The following MDGA2 variants were observed in gnomAD, a reference collection of about 807,000 sequenced individuals.
MDGA2 encodes the protein MAM domain containing glycosylphosphatidylinositol anchor 2.
MDGA2 carries 40 observed loss-of-function variants against 117.8 expected under a neutral mutation model. The ratio of observed to expected loss-of-function variants is 0.34; its 90% CI spans 0.26 to 0.44. The LOEUF (loss-of-function observed/expected upper bound fraction) is 0.44. Ranked by LOEUF, MDGA2 falls within the 20% of genes least tolerant of loss-of-function variation. The pLI, the probability that MDGA2 is intolerant of heterozygous loss-of-function variation, is 1.00. For missense variants in MDGA2, 1,123 were observed against 1,250.6 expected (o/e 0.90, Z 1.54); for synonymous variants, 452 against 439.0 (o/e 1.03, Z -0.37).
intron 7 of MDGA2, among the ~76,000 whole-genome samples, chr14:47,047,616 T>C (rs950880019): frequency 2.0e-5 from 3 of 152,090 alleles, no homozygotes; most frequent in Non-Finnish European, 4.4e-5. Flanking sequence ...AGCCAAGGTA[T>C]GGCATATAGT....
At chr14:47,422,262 A>C (rs998493623) in intron 1 of MDGA2, among the ~76,000 whole-genome samples, 1 of 152,168 alleles carries the variant, frequency 6.6e-6, no homozygotes, top group Non-Finnish European at 1.5e-5. Flanking sequence ...GCTAATGTTG[A>C]CTTCCCAATT....
Position 47,674,423 on chromosome 14 carries a change from G to A in MDGA2, c.280+94C>T, listed in dbSNP as rs2138325957. 10 of 1,082,156 alleles carry A rather than the reference G, an allele frequency of 9.2e-6. No homozygotes were observed. The South Asian group carries it at 1.2e-4, about 13-fold the overall frequency. 67.0% of individuals were successfully genotyped at this position (1,082,156 alleles called of 1,614,324 possible). A position where few individuals can be genotyped will look rare whatever the true frequency, so the allele number is the denominator to read the frequency against. ...GTGTAAATCAAATGCCACGCCGGGA[G>A]GGGCCCCGGAACGGCGCGAGTCGTG... On this transcript the variant is annotated intron_variant, in intron 1 of 16. Transcript: ENST00000399232.
At chr14:47,557,736 G>C (rs941847725) in intron 1 of MDGA2, among the ~76,000 whole-genome samples, 2 of 152,128 alleles carry the variant, frequency 1.3e-5, no homozygotes. Context: ...GATATAATGT[G>C]AATAAAAGAT....
chr14:46,968,688 T>C (rs566932980), intron 8 of MDGA2, among the ~76,000 whole-genome samples: 1 of 141,402 alleles, frequency 7.1e-6, no homozygotes, highest in East Asian at 2.1e-4. Context: ...AAAAAAAAAA[T>C]TAGTTGGGTA....
intron 1 of MDGA2, among the ~76,000 whole-genome samples, chr14:47,615,775 C>T (rs1308437518): frequency 6.6e-6 from 1 of 152,118 alleles, no homozygotes; most frequent in Non-Finnish European, 1.5e-5. Flanking sequence ...CCCCACCTCA[C>T]CGTGATTATT....
intron 10 of MDGA2, among the ~76,000 whole-genome samples, chr14:46,903,773 G>A (rs1190047926): frequency 1.3e-5 from 2 of 151,816 alleles, no homozygotes; most frequent in Non-Finnish European, 2.9e-5. Flanking sequence ...ACTTTATCTC[G>A]GTTTGTGCCT....
At chr14:47,168,950 T>A (rs533181359) in intron 3 of MDGA2, among the ~76,000 whole-genome samples, 3 of 152,072 alleles carry the variant, frequency 2.0e-5, no homozygotes, top group Non-Finnish European at 2.9e-5. Context: ...TAAAATAACA[T>A]GAGACTTTAA....
intron 8 of MDGA2, among the ~76,000 whole-genome samples, chr14:46,959,709 A>G (rs1454729654): frequency 1.3e-5 from 2 of 151,938 alleles, no homozygotes; most frequent in African/African-American, 4.8e-5. Context: ...TATCATTCTG[A>G]TCTTTTTGCC....
intron 1 of MDGA2, among the ~76,000 whole-genome samples, chr14:47,494,188 AACCT>A (rs1464197330): frequency 6.6e-6 from 1 of 152,214 alleles, no homozygotes; most frequent in East Asian, 1.9e-4. Flanking sequence ...GAATCAATTA[AACCT>A]CTTTGCTTTA....
intron 1 of MDGA2, among the ~76,000 whole-genome samples, chr14:47,392,879 G>C (rs1297874830): frequency 6.6e-6 from 1 of 152,010 alleles, no homozygotes; most frequent in Non-Finnish European, 1.5e-5. Context: ...CAAAGAAAAA[G>C]CTCAGAAGCA....
intron 7 of MDGA2, among the ~76,000 whole-genome samples, chr14:47,049,902 C>T (rs1889395863): frequency 6.6e-6 from 1 of 151,972 alleles, no homozygotes; most frequent in Admixed American, 6.6e-5. Flanking sequence ...CCCTGCAAAT[C>T]ATTGCTCTGC....
At chr14:47,200,418 A>G (rs568816677) in intron 3 of MDGA2, among the ~76,000 whole-genome samples, 2 of 152,192 alleles carry the variant, frequency 1.3e-5, no homozygotes, top group South Asian at 4.1e-4. Flanking sequence ...AATCTGTTTC[A>G]CTGGAGGCAA....
intron 2 of MDGA2, among the ~76,000 whole-genome samples, chr14:47,219,348 G>A (rs1047716239): frequency 6.6e-5 from 10 of 151,788 alleles, no homozygotes; most frequent in Admixed American, 5.9e-4. Context: ...ATTGTGAATG[G>A]AATAAAAATG....
Position 47,131,838 on chromosome 14 carries a change from T to C in MDGA2, c.801A>G (p.Thr267=), listed in dbSNP as rs1882221304. ...GAAGATTCTTTAGTTTTAAGATCTT[T>C]GTTTCACCCTGAAAATGTACACAAA... ...IYEPFFTQGE[T]KILKLKNLRP... Residue 267 remains threonine, a synonymous_variant, in exon 5 of 17, where the codon ACA becomes ACG. Coordinates refer to ENST00000399232, the MANE Select transcript of MDGA2 (RefSeq NM_001113498.3). 1 of 1,573,536 alleles carries C rather than the reference T, an allele frequency of 6.4e-7. No individual in the cohort carries two copies. Among genetic ancestry groups the C allele is most frequent in the African/African-American group, 1.3e-5 (1 of 74,318 alleles).
At chr14:47,522,159 G>T (rs1894880737) in intron 1 of MDGA2, among the ~76,000 whole-genome samples, 1 of 152,086 alleles carries the variant, frequency 6.6e-6, no homozygotes, top group South Asian at 2.1e-4. Context: ...CCAATGGTTA[G>T]AAAACTTTGC....
intron 1 of MDGA2, among the ~76,000 whole-genome samples, chr14:47,303,777 T>C (rs1282296986): frequency 6.6e-6 from 1 of 152,146 alleles, no homozygotes; most frequent in Non-Finnish European, 1.5e-5. Flanking sequence ...TTAATATATC[T>C]AATTATATAG....
chr14:47,343,442 T>C (rs1890692835), intron 1 of MDGA2, among the ~76,000 whole-genome samples: 1 of 152,180 alleles, frequency 6.6e-6, no homozygotes, highest in African/African-American at 2.4e-5. Context: ...TACATTTCAC[T>C]TATCAGTCTC....
chr14:47,103,377 A>G (rs1594623411), intron 5 of MDGA2, among the ~76,000 whole-genome samples: 1 of 152,320 alleles, frequency 6.6e-6, no homozygotes, highest in African/African-American at 2.4e-5. Context: ...CAAAATAAAG[A>G]TGAGATAATA....
chr14:47,457,716 A>G (rs1312313658), intron 1 of MDGA2, among the ~76,000 whole-genome samples: 1 of 151,904 alleles, frequency 6.6e-6, no homozygotes, highest in African/African-American at 2.4e-5. Context: ...TCCTTTTTTA[A>G]AAAAATCTTA....
Sources: allele counts gnomAD v4.1 joint callset (sites outside exome capture counted in the v4.1 genomes callset), GRCh38; gene constraint gnomAD v4.1.1; transcripts MANE v1.5; gene names NCBI Gene and HGNC (gene_info 2026-07-23, HGNC 2026-07-21).